The following PRKCE variants were observed in gnomAD, a reference collection of about 807,000 sequenced individuals.
PRKCE encodes the protein protein kinase C epsilon.
In PRKCE, 16 loss-of-function variants were observed where a neutral mutation model predicts 85.4. The observed-to-expected ratio is 0.19, with a 90% CI of 0.13 to 0.28. The LOEUF (loss-of-function observed/expected upper bound fraction) is 0.28. PRKCE is among the 10% of genes least tolerant of loss of function. The pLI, the probability that PRKCE is intolerant of heterozygous loss-of-function variation, is 1.00. For missense variants in PRKCE, 573 were observed against 975.2 expected (o/e 0.59, Z 5.49); for synonymous variants, 388 against 371.5 (o/e 1.04, Z -0.51).
At chr2:45,838,608 A>G (rs1479423695) in intron 1 of PRKCE, among the ~76,000 whole-genome samples, 2 of 152,010 alleles carry the variant, frequency 1.3e-5, no homozygotes, top group Admixed American at 1.3e-4. Flanking sequence ...TTTAAAGTAC[A>G]ATACTCTTAC....
chr2:45,829,278 T>G (rs1287274741), intron 1 of PRKCE, among the ~76,000 whole-genome samples: 1 of 152,240 alleles, frequency 6.6e-6, no homozygotes, highest in East Asian at 1.9e-4. Flanking sequence ...CAATTTACAT[T>G]TCGTCGGCAG....
intron 10 of PRKCE, among the ~76,000 whole-genome samples, chr2:46,042,231 C>A (rs1175242633): frequency 1.3e-5 from 2 of 152,130 alleles, no homozygotes; most frequent in African/African-American, 4.8e-5. Flanking sequence ...CAGGGAGTAA[C>A]ATCCACAGCT....
At chr2:45,671,642 G>T (rs1230179204) in intron 1 of PRKCE, among the ~76,000 whole-genome samples, 3 of 152,102 alleles carry the variant, frequency 2.0e-5, no homozygotes, top group South Asian at 2.1e-4. Flanking sequence ...GTAGGGGAAA[G>T]GTTCGTAGAC....
intron 2 of PRKCE, among the ~76,000 whole-genome samples, chr2:45,949,228 G>T (rs777615078): frequency 6.6e-6 from 1 of 152,110 alleles, no homozygotes; most frequent in African/African-American, 2.4e-5. Context: ...CATCCCCACC[G>T]GCAGTATGCA....
chr2:45,780,159 AT>A (rs1288064007), intron 1 of PRKCE, among the ~76,000 whole-genome samples: 5 of 152,188 alleles, frequency 3.3e-5, no homozygotes, highest in Non-Finnish European at 7.3e-5. Flanking sequence ...TAGTGTTCAA[AT>A]TTTTCCACTT....
rs201062428 is a variant in PRKCE, at chr2:46,052,285, AAG to A, written c.1438-33920_1438-33919del. 4.2e-3 allele frequency among the ~76,000 whole-genome samples: 645 copies of A among 152,340 alleles called. 21 individuals are homozygous for A. The highest frequency in any genetic ancestry group is 0.036 in the Admixed American group (545 of 15,304). Reference sequence around the variant, plus strand: ...CAAAAGAAGCTACTAGAACTAATAAAAGAGTAGAGCAAGGCCACAGGAGACAA... The same window carrying A: ...CAAAAGAAGCTACTAGAACTAATAAAAGTAGAGCAAGGCCACAGGAGACAA... On this transcript the variant is annotated intron_variant, in intron 10 of 14. Coordinates refer to ENST00000306156, the MANE Select transcript of PRKCE (RefSeq NM_005400.3).
intron 1 of PRKCE, among the ~76,000 whole-genome samples, chr2:45,812,748 A>G (rs1345927871): frequency 1.3e-5 from 2 of 152,230 alleles, no homozygotes; most frequent in Non-Finnish European, 2.9e-5. Flanking sequence ...AGCACCCGGC[A>G]GGGACTGGAT....
At chr2:46,132,516 A>G (rs1674562601) in intron 11 of PRKCE, among the ~76,000 whole-genome samples, 1 of 152,054 alleles carries the variant, frequency 6.6e-6, no homozygotes, top group Non-Finnish European at 1.5e-5. Context: ...TTTATCTCTA[A>G]TCACCTTTGA....
chr2:46,063,799 T>G (rs918461728), intron 10 of PRKCE, among the ~76,000 whole-genome samples: 7 of 152,174 alleles, frequency 4.6e-5, no homozygotes, highest in African/African-American at 1.7e-4. Context: ...TCTGGCTAAA[T>G]TGGAGTAGCA....
At chr2:46,049,514 C>T (rs1378175563) in intron 10 of PRKCE, among the ~76,000 whole-genome samples, 1 of 152,194 alleles carries the variant, frequency 6.6e-6, no homozygotes, top group Admixed American at 6.5e-5. Context: ...GACTGGAGTC[C>T]AGCCCTTGGG....
chr2:46,036,006 T>C lies in PRKCE; in HGVS notation c.1437+25489T>C, dbSNP rs1707833659. Among the ~76,000 whole-genome samples the C allele has an allele frequency of 2.0e-5, 3 of 152,338 alleles. No homozygotes were observed. The South Asian group carries it at 6.2e-4, about 32-fold the overall frequency. On this transcript the variant is annotated intron_variant, in intron 10 of 14. Transcript: ENST00000306156. ...GGTGGAAGTGCTAGGGAAAAGGTGT[T>C]TGTTTGTTGTAATCCAGGGTGGTCT...
intron 1 of PRKCE, among the ~76,000 whole-genome samples, chr2:45,661,530 G>GTTTTTTTTTTTTT (rs11406618): frequency 1.9e-5 from 2 of 104,816 alleles, no homozygotes; most frequent in African/African-American, 7.0e-5. Context: ...TTTGTTTTTT[G>GTTTTTTTTTTTTT]TTTTTTTTTT....
chr2:45,975,412 G>A (rs900109471), intron 2 of PRKCE, among the ~76,000 whole-genome samples: 6 of 152,202 alleles, frequency 3.9e-5, no homozygotes, highest in African/African-American at 1.4e-4. Flanking sequence ...CAGGGAGCCA[G>A]TATGGGTGGG....
chr2:46,093,416 T>G (rs374503776), intron 11 of PRKCE, among the ~76,000 whole-genome samples: 2 of 145,066 alleles, frequency 1.4e-5, no homozygotes, highest in Admixed American at 6.9e-5. Context: ...TTTTTTTTTT[T>G]GCCTTCCCTC....
chr2:46,119,870 A>G (rs752769817), intron 11 of PRKCE, among the ~76,000 whole-genome samples: 2 of 152,216 alleles, frequency 1.3e-5, no homozygotes, highest in African/African-American at 2.4e-5. Flanking sequence ...ATTTAGATAG[A>G]ACTGTTGAAG....
At chr2:45,918,776 G>A (rs557134301) in intron 2 of PRKCE, among the ~76,000 whole-genome samples, 11 of 152,226 alleles carry the variant, frequency 7.2e-5, no homozygotes, top group Non-Finnish European at 1.6e-4. Context: ...GGCGAGGGGG[G>A]GAATGGGAAG....
intron 11 of PRKCE, among the ~76,000 whole-genome samples, chr2:46,088,926 C>G (rs1167384816): frequency 6.6e-6 from 1 of 152,206 alleles, no homozygotes; most frequent in Admixed American, 6.5e-5. Flanking sequence ...CACCATGACA[C>G]TTGGTACCCT....
chr2:45,711,748 C>T (rs1352633091), intron 1 of PRKCE, among the ~76,000 whole-genome samples: 4 of 152,254 alleles, frequency 2.6e-5, no homozygotes, highest in East Asian at 1.9e-4. Context: ...CCTCAGCCTC[C>T]CGACTAGCTG....
intron 2 of PRKCE, among the ~76,000 whole-genome samples, chr2:45,918,020 C>A (rs1350277585): frequency 1.3e-5 from 2 of 152,242 alleles, no homozygotes; most frequent in Non-Finnish European, 2.9e-5. Context: ...GGCCCGCTAG[C>A]GCCGCGCGCA....
Sources: gnomAD v4.1 joint callset for allele counts (sites outside exome capture counted in the v4.1 genomes callset) on GRCh38, gnomAD v4.1.1 for gene constraint, MANE v1.5 for transcripts, NCBI Gene and HGNC (gene_info 2026-07-23, HGNC 2026-07-21) for gene names.